EEF1D: variants seen among roughly 807,000 people sequenced by gnomAD.
EEF1D encodes the protein eukaryotic translation elongation factor 1 delta.
Under a neutral mutation model 63.9 loss-of-function variants are expected in EEF1D, and 47 were observed. The ratio of observed to expected loss-of-function variants is 0.74; its 90% CI spans 0.58 to 0.94. The LOEUF is 0.94. Ranked by LOEUF, EEF1D falls within the 40% of genes least tolerant of loss-of-function variation. The pLI is 0.00. For missense variants in EEF1D, 907 were observed against 899.0 expected (o/e 1.01, Z -0.11); for synonymous variants, 412 against 386.1 (o/e 1.07, Z -0.79).
At chr8:143,593,855 A>T in intron 1 of EEF1D, 2 of 985,266 alleles carry the variant, frequency 2.0e-6, no homozygotes, top group Non-Finnish European at 2.4e-6. Context: ...CGCTTCCCGC[A>T]TTCCCAAGCA....
At chr8:143,591,941 G>T in intron 2 of EEF1D, 2 of 770,958 alleles carry the variant, frequency 2.6e-6, no homozygotes, top group Non-Finnish European at 3.2e-6. Flanking sequence ...GGAGTTCTTT[G>T]CGGGCATGTG....
chr8:143,595,352 T>C (rs926499875), intron 1 of EEF1D, among the ~76,000 whole-genome samples: 3 of 152,092 alleles, frequency 2.0e-5, no homozygotes, highest in Non-Finnish European at 4.4e-5. Flanking sequence ...ATTACAGACA[T>C]GAGCCATGCG....
At chr8:143,594,037 G>A (rs533152657) in intron 1 of EEF1D, 33 of 443,510 alleles carry the variant, frequency 7.4e-5, no homozygotes, top group Non-Finnish European at 9.3e-5. Flanking sequence ...CAGCCCCTTC[G>A]CTCCTGCAGT....
In EEF1D at chr8:143,581,664, T is replaced by A. The variant is rs1333656202; in HGVS notation, c.1288-336A>T. On this transcript the variant is annotated intron_variant, in intron 5 of 9. Coordinates refer to ENST00000618139, the MANE Select transcript of EEF1D (RefSeq NM_001130053.5). ...GTGGGAGGTGCTGAAGGACTCACAG[T>A]CCTAGGGACAACCTGGGACACGCCT... The A allele has an allele frequency of 7.8e-6, 3 of 383,174 alleles. No homozygotes were observed. In the East Asian group the frequency reaches 1.5e-4, roughly 19 times the overall value. 23.7% of individuals were successfully genotyped at this position (383,174 alleles called of 1,614,324 possible).
intron 2 of EEF1D, among the ~76,000 whole-genome samples, chr8:143,591,074 GCTCT>G (rs1827870661): frequency 6.6e-6 from 1 of 152,234 alleles, no homozygotes; most frequent in African/African-American, 2.4e-5. Context: ...ACGGCTCTAG[GCTCT>G]CTATCAGCTG....
At chr8:143,585,285 CGA>C (rs1355727093) in intron 5 of EEF1D, among the ~76,000 whole-genome samples, 1 of 152,088 alleles carries the variant, frequency 6.6e-6, no homozygotes, top group Non-Finnish European at 1.5e-5. Flanking sequence ...GCAGGAGGTT[CGA>C]GAGAGGCGCG....
At chr8:143,585,215 T>TGGACCTGG (rs1227572791) in intron 5 of EEF1D, among the ~76,000 whole-genome samples, 5 of 152,058 alleles carry the variant, frequency 3.3e-5, no homozygotes, top group African/African-American at 4.8e-5. Flanking sequence ...GGGAACATCC[T>TGGACCTGG]GGACCTGGGA....
At chr8:143,593,753 A>C (rs1397937935) in intron 1 of EEF1D, 1 of 609,768 alleles carries the variant, frequency 1.6e-6, no homozygotes, top group Non-Finnish European at 2.1e-6. Flanking sequence ...CAGGCCCGTC[A>C]CCTGGGGAGC....
chr8:143,581,209 C>T lies in EEF1D; in HGVS notation c.1387+20G>A. 1 of 1,612,812 alleles carries T rather than the reference C, an allele frequency of 6.2e-7. No homozygotes were observed. Among genetic ancestry groups the T allele is most frequent in the Non-Finnish European group, 8.5e-7 (1 of 1,179,910 alleles). ...GGCAGGGGCCAGGGACAGCCCCAAC[C>T]CACTGGCCCGGGGCCTCACCGCCAC... is the stretch of plus-strand genomic sequence containing the variant. On this transcript the variant is annotated intron_variant, in intron 6 of 9. Transcript: ENST00000618139.
At chr8:143,588,373 C>T (rs1350913942) in intron 3 of EEF1D, among the ~76,000 whole-genome samples, 3 of 152,338 alleles carry the variant, frequency 2.0e-5, no homozygotes, top group East Asian at 1.9e-4. Flanking sequence ...CCCCAGAGAC[C>T]GCTGCTGGGG....
At chr8:143,581,928 G>A (rs1465007075) in intron 5 of EEF1D, 2 of 153,736 alleles carry the variant, frequency 1.3e-5, no homozygotes, top group Admixed American at 6.5e-5. Flanking sequence ...CCAGCCTCCT[G>A]GCCCTTAACA....
At chr8:143,592,158 A>C (rs1828078402) in intron 2 of EEF1D, 1 of 985,234 alleles carries the variant, frequency 1.0e-6, no homozygotes, top group African/African-American at 1.7e-5. Flanking sequence ...AGCCCAGGAG[A>C]CAGGGCATTG....
chr8:143,579,780 C>T lies in EEF1D; in HGVS notation c.*12G>A. ...GGCCTCACGCACGCGCGCACGTACA[C>T]ACACTCAGGCTTCAGATCTTGTTGA... On this transcript the variant is annotated 3_prime_UTR_variant, in exon 10 of 10. Coordinates refer to ENST00000618139, the MANE Select transcript of EEF1D (RefSeq NM_001130053.5). The T allele has an allele frequency of 6.4e-7, 1 of 1,552,242 alleles. No homozygotes were observed. The highest frequency in any genetic ancestry group is 8.7e-7 in the Non-Finnish European group (1 of 1,148,740).
intron 1 of EEF1D, chr8:143,592,922 C>A (rs537651827): frequency 6.5e-6 from 1 of 154,512 alleles, no homozygotes; most frequent in Admixed American, 6.5e-5. Flanking sequence ...GGATTACTGT[C>A]AGTTGGAGCC....
chr8:143,589,187 G>C lies in EEF1D; in HGVS notation c.895C>G (p.Pro299Ala), dbSNP rs368294919. The C allele has an allele frequency of 1.2e-3, 1,848 of 1,597,076 alleles. 35 individuals are homozygous for C. The South Asian group carries it at 0.02, about 17-fold the overall frequency. The change falls in exon 3 of 10, where the codon CCC becomes GCC. Residue 299 changes from proline (P) to alanine (A), a missense_variant. Physicochemically the swap from Pro to Ala is conservative, Grantham distance 27 (BLOSUM62 -1). Transcript: ENST00000618139. ...AGLRRADGEA[P>A]SALPYCYFLQ... ...AAGTAACAGTAGGGCAAGGCAGAGG[G>C]GGCCTCCCCATCGGCCCGTCGCAGC...
chr8:143,589,478 G>T lies in EEF1D; in HGVS notation c.604C>A (p.Gln202Lys). ...RRQGTPNTGQ[Q>K]VAVPDLAHQP... is the part of the protein sequence containing the mutation. ...TGGGCCAGGTCGGGGACGGCCACCT[G>T]CTGGCCTGTGTTGGGAGTCCCCTGC... Residue 202 changes from glutamine to lysine, a missense_variant, in exon 3 of 10, where the codon CAG (glutamine) becomes AAG (lysine). Coordinates refer to ENST00000618139, the MANE Select transcript of EEF1D (RefSeq NM_001130053.5). 1 of 1,529,380 alleles carries T rather than the reference G, an allele frequency of 6.5e-7. No individual in the cohort carries two copies. The highest frequency in any genetic ancestry group is 8.8e-7 in the Non-Finnish European group (1 of 1,134,492). 94.7% of individuals were successfully genotyped at this position (1,529,380 alleles called of 1,614,324 possible).
At position 143,579,770 on chromosome 8, in the gene EEF1D, C is replaced by T. The variant is rs190262366; in HGVS notation, c.*22G>A. The stretch of plus-strand genomic sequence containing the variant: ...ATCGTGGCAGGGCCTCACGCACGCG[C>T]GCACGTACACACACTCAGGCTTCAG... On this transcript the variant is annotated 3_prime_UTR_variant, in exon 10 of 10. Transcript: ENST00000618139. 1.7e-4 allele frequency: 268 copies of T among 1,535,900 alleles called. No homozygotes were observed. The highest frequency in any genetic ancestry group is 1.3e-3 in the South Asian group (102 of 78,870).
Position 143,581,159 on chromosome 8 carries a change from G to C in EEF1D, c.1388-5C>G, listed in dbSNP as rs200810259. ...CCTGCTGCAGCTCCTGTACCACTGG[G>C]GGGGCAAGGGGAGCACGGTTAGATG... On this transcript the variant is annotated splice_region_variant and splice_polypyrimidine_tract_variant and intron_variant, in intron 6 of 9. Transcript: ENST00000618139. 1.0e-4 allele frequency: 162 copies of C among 1,612,840 alleles called. No homozygotes were observed. The highest frequency in any genetic ancestry group is 1.5e-4 in the Admixed American group (9 of 60,006).
At chr8:143,585,846 G>A (rs1195697443) in intron 5 of EEF1D, among the ~76,000 whole-genome samples, 1 of 152,206 alleles carries the variant, frequency 6.6e-6, no homozygotes, top group African/African-American at 2.4e-5. Flanking sequence ...AGATCTAAGA[G>A]GGAATGTGGG....
Sources: gnomAD v4.1 joint callset for allele counts (sites outside exome capture counted in the v4.1 genomes callset) on GRCh38, gnomAD v4.1.1 for gene constraint, MANE v1.5 for transcripts, NCBI Gene and HGNC (gene_info 2026-07-23, HGNC 2026-07-21) for gene names.